Variants in TMPRSS4 observed in about 807,000 individuals in gnomAD.
TMPRSS4 encodes the protein transmembrane serine protease 4, also known as transmembrane protease serine 4.
TMPRSS4 carries 45 observed loss-of-function variants against 56.4 expected under a neutral mutation model. The ratio of observed to expected loss-of-function variants is 0.80; its 90% confidence interval spans 0.63 to 1.02. The LOEUF (loss-of-function observed/expected upper bound fraction) is 1.02, where lower values mean the gene tolerates loss of function less well. TMPRSS4 is among the 50% of genes least tolerant of loss of function. The probability of loss-of-function intolerance (pLI) is 0.00; values close to 1 mark genes in which losing one functional copy is unlikely to be tolerated. For synonymous variants in TMPRSS4, 205 were observed against 211.0 expected (o/e 0.97, Z 0.25); for missense variants, 546 against 556.7 (o/e 0.98, Z 0.19).
chr11:118,107,583 C>G, intron 5 of TMPRSS4, 191 bp from the exon 6 acceptor site: 1 of 495,422 alleles, frequency 2.0e-6, no homozygotes, highest in Non-Finnish European at 3.6e-6. Flanking sequence ...TCCTGGGATG[C>G]CAAGGGTCGG....
Position 118,111,762 on chromosome 11 carries a change from C to A in TMPRSS4, c.605C>A (p.Thr202Asn), listed in dbSNP as rs763184827. 1.3e-6 allele frequency: 2 copies of A among 1,590,790 alleles called. No individual in the cohort carries two copies. The highest frequency in any genetic ancestry group is 1.7e-6 in the Non-Finnish European group (2 of 1,170,298). ...CCAGCCTGTGGGAAGAGCCTGAAGA[C>A]CCCCCGTGTGGTGGGTGTGGAGGAG... ...HCLACGKSLKTPRVVGVEEAS... is the reference protein window; with the variant it reads ...HCLACGKSLKNPRVVGVEEAS... The change falls in exon 8 of 13, where the codon ACC (threonine) becomes AAC (asparagine). Residue 202 changes from threonine to asparagine, a missense_variant. Thr to Asn is a moderately conservative substitution (Grantham distance 65). Coordinates refer to ENST00000437212, the MANE Select transcript of TMPRSS4 (RefSeq NM_019894.4).
At chr11:118,107,309 A>G (rs963457217) in intron 5 of TMPRSS4, 5 of 153,292 alleles carry the variant, frequency 3.3e-5, no homozygotes, top group Admixed American at 1.3e-4. Flanking sequence ...TACCCCCGCT[A>G]TCAAAGTCAG....
In TMPRSS4 at chr11:118,117,340, C is replaced by T; in HGVS notation, c.1188C>T (p.Asp396=). 3.1e-6 allele frequency: 5 copies of T among 1,614,148 alleles called. No homozygotes were observed. The highest frequency in any genetic ancestry group is 1.1e-5 in the South Asian group (1 of 91,078). ...DSGGPLMYQS[D]QWHVVGIVSW... is the part of the protein sequence containing the mutation. ...GTGGGCCCCTGATGTACCAATCTGA[C>T]CAGTGGCATGTGGTGGGCATCGTTA... Residue 396 remains aspartate, a synonymous_variant, in exon 12 of 13, where the codon GAC becomes GAT. Transcript: ENST00000437212.
intron 11 of TMPRSS4, among the ~76,000 whole-genome samples, chr11:118,116,942 C>T (rs1453231645): frequency 6.6e-6 from 1 of 151,964 alleles, no homozygotes; most frequent in Non-Finnish European, 1.5e-5. Context: ...AACTCCTGAC[C>T]TCAAGTGATT....
Position 118,096,911 on chromosome 11 carries a change from G to GAAA in TMPRSS4, c.43+2056_43+2057insAAA, listed in dbSNP as rs1565422652. Among the ~76,000 whole-genome samples the GAAA allele has an allele frequency of 5.1e-4, 15 of 29,398 alleles. 1 individual carries two copies. The highest frequency in any genetic ancestry group is 1.6e-3 in the East Asian group (3 of 1,844). 19.3% of individuals were successfully genotyped at this position (29,398 alleles called of 152,430 possible). A position where few individuals can be genotyped will look rare whatever the true frequency, so the allele number is the denominator to read the frequency against. On this transcript the variant is annotated intron_variant, in intron 2 of 12. Transcript: ENST00000437212. ...AGAAAGAAAGAAAGAAAGAAAGAAAGGGAGAGAGAAAGGAAAGAAAGAAAG... is the reference window on the plus strand; with the variant it reads ...AGAAAGAAAGAAAGAAAGAAAGAAAGAAAGGAGAGAGAAAGGAAAGAAAGAAAG...
intron 9 of TMPRSS4, 131 bp from the exon 10 acceptor site, chr11:118,114,698 T>C: frequency 2.0e-6 from 2 of 982,092 alleles, no homozygotes; most frequent in Non-Finnish European, 3.0e-6. Flanking sequence ...TTGTTTACTA[T>C]CTGCAGGAAT....
intron 12 of TMPRSS4, 71 bp from the exon 13 acceptor site, chr11:118,117,831 G>A (rs958721116): frequency 2.2e-5 from 36 of 1,613,682 alleles, no homozygotes; most frequent in Non-Finnish European, 2.5e-5. Context: ...GAAGACTCAC[G>A]TTACACATGT....
At chr11:118,115,064 G>A in intron 10 of TMPRSS4, 74 bp from the exon 11 acceptor site, 1 of 1,568,352 alleles carries the variant, frequency 6.4e-7, no homozygotes, top group Non-Finnish European at 8.7e-7. Flanking sequence ...CAGGCAGAAA[G>A]CAAAGTGGTT....
chr11:118,097,243 C>T (rs116064696), intron 2 of TMPRSS4, among the ~76,000 whole-genome samples: 4,312 of 150,658 alleles, frequency 0.029, 145 homozygotes, highest in East Asian at 0.12. Context: ...CATGGAGGGG[C>T]GGGAGGAGAC....
In TMPRSS4 at chr11:118,113,380, C is replaced by A; in HGVS notation, c.855C>A (p.Tyr285Ter). Residue 285 changes from tyrosine (Y) to a stop codon, truncating the protein, a stop_gained, in exon 9 of 13, where the codon TAC becomes TAA. Coordinates refer to ENST00000437212, the MANE Select transcript of TMPRSS4 (RefSeq NM_019894.4). LOFTEE classifies it high-confidence loss of function. ...TCATCATTGAATTCAACCCCATGTA[C>A]CCCAAAGACAATGACATCGCCCTCA... ...KIIIIEFNPM[Y>*]PKDNDIALMK... The A allele has an allele frequency of 6.2e-7, 1 of 1,614,156 alleles. No individual in the cohort carries two copies. Among genetic ancestry groups the A allele is most frequent in the South Asian group, 1.1e-5 (1 of 91,076 alleles).
In TMPRSS4 at chr11:118,077,269, G is replaced by T; in HGVS notation, c.-34G>T. On this transcript the variant is annotated 5_prime_UTR_variant, in exon 1 of 13. Coordinates refer to ENST00000437212, the MANE Select transcript of TMPRSS4 (RefSeq NM_019894.4). ...CTTGGGGTGACAATCTCAGCTCCAG[G>T]CTACAGGGAGACCGGGAGGATCACA... 1 of 1,597,018 alleles carries T rather than the reference G, an allele frequency of 6.3e-7. No homozygotes were observed. Among genetic ancestry groups the T allele is most frequent in the Non-Finnish European group, 8.5e-7 (1 of 1,171,786 alleles).
chr11:118,089,938 G>A lies in TMPRSS4; in HGVS notation c.4-4878G>A, dbSNP rs748959850. ...CTCACTCACTGCAACCTCCCCTCCCGGGTTCAAGGGATTCTCCTGCCTCAG... is the reference window on the plus strand; with the variant it reads ...CTCACTCACTGCAACCTCCCCTCCCAGGTTCAAGGGATTCTCCTGCCTCAG... On this transcript the variant is annotated intron_variant, in intron 1 of 12. Coordinates refer to ENST00000437212, the MANE Select transcript of TMPRSS4 (RefSeq NM_019894.4). Among the ~76,000 whole-genome samples, 55 of 152,070 alleles carry A rather than the reference G, an allele frequency of 3.6e-4. 2 individuals are homozygous for A. The highest frequency in any genetic ancestry group is 7.7e-4 in the East Asian group (4 of 5,190).
intron 5 of TMPRSS4, chr11:118,107,497 T>C (rs533302988): frequency 3.2e-6 from 1 of 311,304 alleles, no homozygotes; most frequent in East Asian, 5.2e-5. Context: ...CTAACATTTC[T>C]CCAGGGCTCT....
At chr11:118,084,866 G>A (rs1358137591) in intron 1 of TMPRSS4, among the ~76,000 whole-genome samples, 1 of 152,214 alleles carries the variant, frequency 6.6e-6, no homozygotes, top group East Asian at 1.9e-4. Flanking sequence ...GCTGGGAAGA[G>A]GCAGAGCTGG....
chr11:118,094,989 C>T (rs1026179109), intron 2 of TMPRSS4, 134 bp downstream of exon 2: 4 of 895,272 alleles, frequency 4.5e-6, no homozygotes, highest in Non-Finnish European at 7.2e-6. Context: ...CATCCAGTCA[C>T]CCGTCCATCC....
intron 7 of TMPRSS4, among the ~76,000 whole-genome samples, chr11:118,109,833 AC>A (rs1365142628): frequency 1.3e-5 from 2 of 152,022 alleles, no homozygotes; most frequent in Non-Finnish European, 2.9e-5. Context: ...TATGCCCCCT[AC>A]CCCGGCCCCA....
chr11:118,115,345 A>G lies in TMPRSS4; in HGVS notation c.1152+65A>G, dbSNP rs750837238. 217 of 1,565,876 alleles carry G rather than the reference A, an allele frequency of 1.4e-4. 1 individual carries two copies. Among genetic ancestry groups the G allele is most frequent in the Non-Finnish European group, 1.8e-4 (210 of 1,158,068 alleles). ...GTTTAGGTCCTAGAGAGATGAGAAAACCCAGAGGCTGCATGCCCTACAGGA... is the reference window on the plus strand; with the variant it reads ...GTTTAGGTCCTAGAGAGATGAGAAAGCCCAGAGGCTGCATGCCCTACAGGA... On this transcript the variant is annotated intron_variant, in intron 11 of 12. Coordinates refer to ENST00000437212, the MANE Select transcript of TMPRSS4 (RefSeq NM_019894.4).
At chr11:118,115,924 T>A (rs536944651) in intron 11 of TMPRSS4, among the ~76,000 whole-genome samples, 74 of 152,270 alleles carry the variant, frequency 4.9e-4, no homozygotes, top group African/African-American at 1.7e-3. Context: ...ATCCCAGGTC[T>A]ATTTTCTCTG....
intron 3 of TMPRSS4, among the ~76,000 whole-genome samples, chr11:118,102,702 C>T (rs959612484): frequency 2.0e-5 from 3 of 152,002 alleles, no homozygotes; most frequent in African/African-American, 7.2e-5. Flanking sequence ...GAGTGAGACT[C>T]GGTCTCAAAA....
Sources: allele counts gnomAD v4.1 joint callset (sites outside exome capture counted in the v4.1 genomes callset), GRCh38; gene constraint gnomAD v4.1.1; transcripts MANE v1.5; gene names NCBI Gene and HGNC (gene_info 2026-07-23, HGNC 2026-07-21).